Variants in DPYD observed in about 807,000 individuals in gnomAD.
DPYD encodes the protein dihydropyrimidine dehydrogenase.
A neutral mutation model predicts 116.2 loss-of-function variants in DPYD; 109 were observed. That is an observed-to-expected ratio of 0.94 (90% CI 0.80 to 1.10). The LOEUF (loss-of-function observed/expected upper bound fraction) is 1.10, where lower values mean the gene tolerates loss of function less well. DPYD is among the 50% of genes least tolerant of loss of function. DPYD has a pLI of 0.00. For missense variants in DPYD, 1,302 were observed against 1,254.5 expected (o/e 1.04, Z -0.57); for synonymous variants, 440 against 432.0 (o/e 1.02, Z -0.23).
chr1:97,106,540 A>G (rs1651159713), intron 20 of DPYD, among the ~76,000 whole-genome samples: 2 of 152,110 alleles, frequency 1.3e-5, no homozygotes, highest in Admixed American at 6.6e-5. Flanking sequence ...ATGCTCTTGG[A>G]TATCAGAGCT....
At chr1:97,153,973 C>CAAA (rs60741755) in intron 20 of DPYD, among the ~76,000 whole-genome samples, 3,794 of 126,154 alleles carry the variant, frequency 0.03, 142 homozygotes, top group African/African-American at 0.093. Flanking sequence ...TGGCCATGAT[C>CAAA]AAAAAAAAAA....
intron 13 of DPYD, among the ~76,000 whole-genome samples, chr1:97,513,229 A>C (rs958015697): frequency 6.6e-6 from 1 of 151,592 alleles, no homozygotes; most frequent in African/African-American, 2.4e-5. Flanking sequence ...CCAAACTCCC[A>C]AAAAAATAAA....
chr1:97,577,271 T>C (rs2102196283), intron 10 of DPYD, among the ~76,000 whole-genome samples: 1 of 152,242 alleles, frequency 6.6e-6, no homozygotes, highest in Non-Finnish European at 1.5e-5. Context: ...ATCAAGATAT[T>C]TCCCTTATAC....
At chr1:97,567,333 T>C (rs1478686705) in intron 11 of DPYD, among the ~76,000 whole-genome samples, 1 of 152,066 alleles carries the variant, frequency 6.6e-6, no homozygotes, top group Non-Finnish European at 1.5e-5. Flanking sequence ...TTTTTTTTTT[T>C]CCTGCAAACA....
intron 20 of DPYD, among the ~76,000 whole-genome samples, chr1:97,157,720 A>G (rs1028148561): frequency 2.0e-5 from 3 of 152,154 alleles, no homozygotes; most frequent in African/African-American, 7.2e-5. Flanking sequence ...AAATATTTCA[A>G]TTTCTGTGGA....
chr1:97,563,496 T>C, intron 11 of DPYD, among the ~76,000 whole-genome samples: 1 of 152,218 alleles, frequency 6.6e-6, no homozygotes, highest in East Asian at 1.9e-4. Flanking sequence ...CTAACAAAAC[T>C]TGTTACATGC....
At position 97,463,894 on chromosome 1, in the gene DPYD, G is replaced by A. The variant is rs151215688; in HGVS notation, c.1741-13671C>T. The stretch of plus-strand genomic sequence containing the variant: ...AAGCATTCAAGAGGTGACTTGGGTG[G>A]TGTTAAAGGCACTCAGTTTTAAAAG... On this transcript the variant is annotated intron_variant, in intron 13 of 22. Transcript: ENST00000370192. Among the ~76,000 whole-genome samples the A allele has an allele frequency of 2.0e-3, 305 of 152,250 alleles. 5 individuals are homozygous for A. Among genetic ancestry groups the A allele is most frequent in the African/African-American group, 6.3e-3 (263 of 41,564 alleles).
Position 97,363,514 on chromosome 1 carries a change from G to T in DPYD, c.2058+10047C>A, listed in dbSNP as rs565057207. On this transcript the variant is annotated intron_variant, in intron 16 of 22. Transcript: ENST00000370192. ...AGACACATGCACACATATGTTTATT[G>T]TAGCACTATTCACAATAGCAAAAAC... 6.6e-5 allele frequency among the ~76,000 whole-genome samples: 10 copies of T among 152,294 alleles called. No homozygotes were observed. The South Asian group carries it at 1.9e-3, about 28-fold the overall frequency.
At chr1:97,109,195 A>G (rs182504049) in intron 20 of DPYD, among the ~76,000 whole-genome samples, 48 of 152,276 alleles carry the variant, frequency 3.2e-4, no homozygotes, top group African/African-American at 5.5e-4. Flanking sequence ...ACTCTAAAGC[A>G]TTATAGAACC....
chr1:97,146,641 T>G (rs1431239679), intron 20 of DPYD, among the ~76,000 whole-genome samples: 1 of 152,194 alleles, frequency 6.6e-6, no homozygotes, highest in Non-Finnish European at 1.5e-5. Flanking sequence ...TTTCTAGCCA[T>G]TTTTTAAACC....
chr1:97,639,132 C>T (rs1014972657), intron 8 of DPYD, among the ~76,000 whole-genome samples: 1 of 152,108 alleles, frequency 6.6e-6, no homozygotes, highest in African/African-American at 2.4e-5. Flanking sequence ...TTGCATTCAA[C>T]CAGCACTACC....
intron 20 of DPYD, among the ~76,000 whole-genome samples, chr1:97,172,915 A>G (rs537014323): frequency 1.5e-4 from 23 of 152,270 alleles, no homozygotes; most frequent in Non-Finnish European, 2.9e-4. Flanking sequence ...CTCAAGACTC[A>G]GTTCATCTGT....
chr1:97,354,011 C>G (rs1344232853), intron 16 of DPYD, among the ~76,000 whole-genome samples: 1 of 152,196 alleles, frequency 6.6e-6, no homozygotes, highest in Admixed American at 6.5e-5. Flanking sequence ...GTTACTTACC[C>G]TTTCTGAGTT....
chr1:97,331,087 G>C (rs1055087936), intron 16 of DPYD, among the ~76,000 whole-genome samples: 1 of 152,158 alleles, frequency 6.6e-6, no homozygotes, highest in Admixed American at 6.5e-5. Flanking sequence ...AGAGGAAACT[G>C]AGATACAGGT....
Position 97,679,160 on chromosome 1 carries a change from GAAAGGCTTT to G in DPYD, c.776_784del (p.Lys259_Ser262delinsThr). ...AGTGCTAAGAGTCATTTCATTCACT[GAAAGGCTTT>G]TACCGCAAATTATCTATAAGAAACA... is the stretch of plus-strand genomic sequence containing the variant. On this transcript the variant is annotated inframe_deletion, in exon 8 of 23. Coordinates refer to ENST00000370192, the MANE Select transcript of DPYD (RefSeq NM_000110.4). 1 of 1,583,724 alleles carries G rather than the reference GAAAGGCTTT, an allele frequency of 6.3e-7. No homozygotes were observed. The highest frequency in any genetic ancestry group is 8.6e-7 in the Non-Finnish European group (1 of 1,161,780).
At chr1:97,383,778 C>T (rs551237004) in intron 14 of DPYD, among the ~76,000 whole-genome samples, 2 of 152,046 alleles carry the variant, frequency 1.3e-5, no homozygotes, top group Non-Finnish European at 2.9e-5. Flanking sequence ...ACTTGATACA[C>T]GTAAGTAATT....
intron 3 of DPYD, among the ~76,000 whole-genome samples, chr1:97,818,989 TG>T (rs1477293921): frequency 6.6e-6 from 1 of 151,982 alleles, no homozygotes; most frequent in Non-Finnish European, 1.5e-5. Context: ...TTTTCTGACC[TG>T]TATTTCAATG....
chr1:97,758,005 C>T (rs1665347064), intron 3 of DPYD, among the ~76,000 whole-genome samples: 1 of 152,076 alleles, frequency 6.6e-6, no homozygotes, highest in Non-Finnish European at 1.5e-5. Context: ...AGCGCCTGCC[C>T]CTTTTTGATT....
chr1:97,772,645 CA>C (rs1476373481), intron 3 of DPYD, among the ~76,000 whole-genome samples: 2 of 152,062 alleles, frequency 1.3e-5, no homozygotes, highest in Non-Finnish European at 2.9e-5. Flanking sequence ...CTAGGGAGAA[CA>C]GGAAAATTGA....
Sources: gnomAD v4.1 joint callset for allele counts (sites outside exome capture counted in the v4.1 genomes callset) on GRCh38, gnomAD v4.1.1 for gene constraint, MANE v1.5 for transcripts, NCBI Gene and HGNC (gene_info 2026-07-23, HGNC 2026-07-21) for gene names.